The following TSC22D1 variants were observed in gnomAD, a reference collection of about 807,000 sequenced individuals.
The protein encoded by TSC22D1 is TSC22 domain family member 1.
TSC22D1 carries 9 observed loss-of-function variants against 74.2 expected under a neutral mutation model. The observed-to-expected ratio is 0.12, with a 90% CI of 0.07 to 0.21. TSC22D1 has a LOEUF of 0.21. Among genes scored for constraint, TSC22D1 ranks in the 10% least tolerant of loss-of-function variants. The pLI, the probability that TSC22D1 is intolerant of heterozygous loss-of-function variation, is 1.00. For synonymous variants in TSC22D1, 586 were observed against 492.5 expected (o/e 1.19, Z -2.51); for missense variants, 1,427 against 1,304.7 (o/e 1.09, Z -1.44).
intron 1 of TSC22D1, among the ~76,000 whole-genome samples, chr13:44,469,485 T>C (rs1467703313): frequency 6.6e-6 from 1 of 151,804 alleles, no homozygotes; most frequent in Non-Finnish European, 1.5e-5. Flanking sequence ...TAGGAGGATG[T>C]TCTTAACACA....
chr13:44,443,321 C>A (rs959515018), intron 1 of TSC22D1, among the ~76,000 whole-genome samples: 14 of 147,014 alleles, frequency 9.5e-5, no homozygotes, highest in Non-Finnish European at 1.8e-4. Flanking sequence ...AAAAAAAAAA[C>A]CTGTCAATCT....
chr13:44,440,887 C>T (rs1466165063), intron 1 of TSC22D1, among the ~76,000 whole-genome samples: 1 of 152,102 alleles, frequency 6.6e-6, no homozygotes, highest in Non-Finnish European at 1.5e-5. Context: ...GTTACAAACA[C>T]AGGGACTAGG....
intron 1 of TSC22D1, among the ~76,000 whole-genome samples, chr13:44,556,508 T>C (rs1448482799): frequency 6.8e-6 from 1 of 146,524 alleles, no homozygotes; most frequent in Non-Finnish European, 1.5e-5. Context: ...ATCGTGCAAA[T>C]GCACTCCAGT....
At chr13:44,465,109 A>G (rs146478284) in intron 1 of TSC22D1, among the ~76,000 whole-genome samples, 98 of 152,324 alleles carry the variant, frequency 6.4e-4, no homozygotes, top group African/African-American at 2.3e-3. Flanking sequence ...AGAATGAGGT[A>G]TTTAGGAACA....
intron 1 of TSC22D1, among the ~76,000 whole-genome samples, chr13:44,552,727 G>A (rs901146724): frequency 5.9e-5 from 9 of 152,178 alleles, no homozygotes; most frequent in Non-Finnish European, 8.8e-5. Flanking sequence ...GGTGGCTCAC[G>A]CCTGTAATCC....
At chr13:44,559,019 G>A (rs1882866468) in intron 1 of TSC22D1, among the ~76,000 whole-genome samples, 1 of 152,178 alleles carries the variant, frequency 6.6e-6, no homozygotes, top group Non-Finnish European at 1.5e-5. Flanking sequence ...GAGAATAACT[G>A]ATGAATGTTT....
intron 1 of TSC22D1, among the ~76,000 whole-genome samples, chr13:44,527,260 CA>C (rs1880591320): frequency 6.6e-6 from 1 of 151,902 alleles, no homozygotes; most frequent in African/African-American, 2.4e-5. Context: ...AAGATAAAAA[CA>C]AAACGTTTAT....
chr13:44,554,630 C>CAAAAAAAAA (rs59922380), intron 1 of TSC22D1, among the ~76,000 whole-genome samples: 7 of 68,598 alleles, frequency 1.0e-4, no homozygotes, highest in Admixed American at 1.7e-4. Flanking sequence ...ATACCAGGAA[C>CAAAAAAAAA]AAAAAAAAAA....
chr13:44,446,585 CACATA>C (rs1205949742), intron 1 of TSC22D1, among the ~76,000 whole-genome samples: 3 of 152,128 alleles, frequency 2.0e-5, no homozygotes, highest in African/African-American at 7.2e-5. Context: ...GACTCAGCAT[CACATA>C]ACATACCCAT....
At chr13:44,537,026 A>G in intron 1 of TSC22D1, 1 of 968,128 alleles carries the variant, frequency 1.0e-6, no homozygotes, top group Non-Finnish European at 1.2e-6. Flanking sequence ...CAGAAAATTA[A>G]AATACATTTA....
intron 1 of TSC22D1, among the ~76,000 whole-genome samples, chr13:44,459,504 C>T (rs1181286644): frequency 6.6e-6 from 1 of 152,208 alleles, no homozygotes; most frequent in African/African-American, 2.4e-5. Context: ...GTCCACATAC[C>T]TCATTCTTCC....
chr13:44,538,206 C>G (rs951849981), intron 1 of TSC22D1: 1 of 985,232 alleles, frequency 1.0e-6, no homozygotes, highest in Non-Finnish European at 1.2e-6. Context: ...TCAAGTTTAA[C>G]AGGTATGTAT....
intron 1 of TSC22D1, among the ~76,000 whole-genome samples, chr13:44,506,147 G>A (rs1266455159): frequency 6.6e-6 from 1 of 152,160 alleles, no homozygotes; most frequent in Non-Finnish European, 1.5e-5. Flanking sequence ...AATGATGGCA[G>A]TTTCTTAAAG....
Position 44,538,450 on chromosome 13 carries a change from GA to G in TSC22D1, c.2912+34712del, listed in dbSNP as rs1881280120. The stretch of plus-strand genomic sequence containing the variant: ...AAAAACCATTTCATTAAGTTTTCTG[GA>G]CTTCCTCTACTACTTAAAAAAATGT... On this transcript the variant is annotated intron_variant, in intron 1 of 2. Transcript: ENST00000458659. 8 of 985,138 alleles carry G rather than the reference GA, an allele frequency of 8.1e-6. No individual in the cohort carries two copies. In the South Asian group the frequency reaches 2.8e-4, roughly 35 times the overall value. The allele number at this position is 985,138 out of a possible 1,614,324, so 61.0% of individuals were successfully genotyped here. A position where few individuals can be genotyped will look rare whatever the true frequency, so the allele number is the denominator to read the frequency against.
chr13:44,434,134 T>G lies in TSC22D1; in HGVS notation c.*492A>C, dbSNP rs1156361281. Reference sequence around the variant, plus strand: ...TGAATTTTGGTGACAGTTGTCAAATTTGTACAGTGAACTCTGTTCCCCCTC... The same window carrying G: ...TGAATTTTGGTGACAGTTGTCAAATGTGTACAGTGAACTCTGTTCCCCCTC... On this transcript the variant is annotated 3_prime_UTR_variant, in exon 3 of 3. Transcript: ENST00000458659. 6.7e-7 allele frequency: 1 copy of G among 1,499,616 alleles called. No individual in the cohort carries two copies. Among genetic ancestry groups the G allele is most frequent in the Non-Finnish European group, 8.8e-7 (1 of 1,137,442 alleles). 92.9% of individuals were successfully genotyped at this position (1,499,616 alleles called of 1,614,324 possible).
rs1595071424 is a variant in TSC22D1, at chr13:44,434,155, C to T, written c.*471G>A. 2 of 1,482,272 alleles carry T rather than the reference C, an allele frequency of 1.3e-6. No homozygotes were observed. The highest frequency in any genetic ancestry group is 5.2e-5 in the East Asian group (2 of 38,492). The allele number at this position is 1,482,272 out of a possible 1,614,324, so 91.8% of individuals were successfully genotyped here. A position where few individuals can be genotyped will look rare whatever the true frequency, so the allele number is the denominator to read the frequency against. ...AAATTTGTACAGTGAACTCTGTTCC[C>T]CCTCATTTTAGTCTTTTTACCCTCC... On this transcript the variant is annotated 3_prime_UTR_variant, in exon 3 of 3. Transcript: ENST00000458659.
chr13:44,568,968 G>A (rs946066756), intron 1 of TSC22D1, among the ~76,000 whole-genome samples: 3 of 151,924 alleles, frequency 2.0e-5, no homozygotes, highest in African/African-American at 2.4e-5. Context: ...TGGGAGGAAG[G>A]GTACTGGGAA....
intron 1 of TSC22D1, among the ~76,000 whole-genome samples, chr13:44,481,954 C>T (rs1043648243): frequency 6.6e-6 from 1 of 152,142 alleles, no homozygotes; most frequent in Non-Finnish European, 1.5e-5. Flanking sequence ...AAACTCTTCA[C>T]GTTTCTATTC....
chr13:44,498,859 AGAGCTTTTGACAT>A (rs1879095765), intron 1 of TSC22D1, among the ~76,000 whole-genome samples: 2 of 152,326 alleles, frequency 1.3e-5, no homozygotes, highest in African/African-American at 4.8e-5. Flanking sequence ...AAGTAAAACA[AGAGCTTTTGACAT>A]GATTAACACA....
Sources: gnomAD v4.1 joint callset for allele counts (sites outside exome capture counted in the v4.1 genomes callset) on GRCh38, gnomAD v4.1.1 for gene constraint, MANE v1.5 for transcripts, NCBI Gene and HGNC (gene_info 2026-07-23, HGNC 2026-07-21) for gene names.